Variants in GTF2H5 observed in about 807,000 individuals in gnomAD.
The protein encoded by GTF2H5 is TFB5 ortholog.
In GTF2H5, 5 loss-of-function variants were observed where a neutral mutation model predicts 7.1. The observed-to-expected ratio is 0.71, with a 90% CI of 0.37 to 1.49. The LOEUF is 1.49. Ranked by LOEUF, GTF2H5 falls within the 40% of genes most tolerant of loss-of-function variation. GTF2H5 has a pLI of 0.03. For synonymous variants in GTF2H5, 30 were observed against 31.7 expected (o/e 0.95, Z 0.18); for missense variants, 80 against 83.0 (o/e 0.96, Z 0.14).
chr6:158,192,602 G>T lies in GTF2H5; in HGVS notation c.*445G>T. The T allele has an allele frequency of 4.8e-6, 1 of 208,694 alleles. No individual in the cohort carries two copies. Among genetic ancestry groups the T allele is most frequent in the Non-Finnish European group, 9.8e-6 (1 of 102,082 alleles). The allele number at this position is 208,694 out of a possible 1,614,324, so 12.9% of individuals were successfully genotyped here. Reference sequence around the variant, plus strand: ...TATGTACGTCTCACAAATCCTACCTGCATACCAGTCAGCTCTATTGAGGAA... The same window carrying T: ...TATGTACGTCTCACAAATCCTACCTTCATACCAGTCAGCTCTATTGAGGAA... On this transcript the variant is annotated 3_prime_UTR_variant, in exon 3 of 3. Transcript: ENST00000607778.
At chr6:158,178,644 G>A (rs1785965594) in intron 2 of GTF2H5, among the ~76,000 whole-genome samples, 1 of 152,118 alleles carries the variant, frequency 6.6e-6, no homozygotes, top group South Asian at 2.1e-4. Context: ...CTGCATAGAT[G>A]TCGTCTTTTG....
chr6:158,169,454 T>A (rs1272297962), intron 1 of GTF2H5, among the ~76,000 whole-genome samples: 7 of 66,074 alleles, frequency 1.1e-4, no homozygotes, highest in Admixed American at 1.0e-3. Context: ...TATTATATAT[T>A]ATATATATTA....
At chr6:158,182,057 T>G (rs2128430643) in intron 2 of GTF2H5, among the ~76,000 whole-genome samples, 2 of 152,370 alleles carry the variant, frequency 1.3e-5, no homozygotes, top group East Asian at 3.9e-4. Context: ...GGAGCTCTTG[T>G]AAGACAGGCC....
At chr6:158,169,501 A>ATG (rs1409637004) in intron 1 of GTF2H5, among the ~76,000 whole-genome samples, 1 of 78,826 alleles carries the variant, frequency 1.3e-5, no homozygotes, top group African/African-American at 5.5e-5. Flanking sequence ...TATATTATAT[A>ATG]ATATATTGTA....
chr6:158,190,722 A>C, intron 2 of GTF2H5: 1 of 403,182 alleles, frequency 2.5e-6, no homozygotes, highest in South Asian at 1.8e-5. Flanking sequence ...CTTTTGGATT[A>C]AATTGTTACC....
At chr6:158,174,805 A>G (rs1785905844) in intron 2 of GTF2H5, among the ~76,000 whole-genome samples, 1 of 152,232 alleles carries the variant, frequency 6.6e-6, no homozygotes, top group South Asian at 2.1e-4. Flanking sequence ...ATCTGGAGAA[A>G]TATGTATTAT....
chr6:158,190,601 T>C, intron 2 of GTF2H5: 1 of 455,486 alleles, frequency 2.2e-6, no homozygotes, highest in Non-Finnish European at 4.3e-6. Context: ...AAATCAGTTC[T>C]GAGGCTCATA....
chr6:158,186,326 A>G (rs531807183), intron 2 of GTF2H5, among the ~76,000 whole-genome samples: 3 of 152,330 alleles, frequency 2.0e-5, no homozygotes, highest in South Asian at 4.1e-4. Context: ...AAAATTCCCA[A>G]AGTCTTCATA....
At chr6:158,171,280 T>A (rs1785852573) in intron 2 of GTF2H5, among the ~76,000 whole-genome samples, 1 of 152,226 alleles carries the variant, frequency 6.6e-6, no homozygotes, top group South Asian at 2.1e-4. Context: ...TGTTTAACCC[T>A]GTCTATGCAA....
chr6:158,193,539 C>G lies in GTF2H5; in HGVS notation c.*1382C>G, dbSNP rs1032443082. 2 of 152,220 alleles carry G rather than the reference C, an allele frequency of 1.3e-5. No individual in the cohort carries two copies. The highest frequency in any genetic ancestry group is 6.5e-5 in the Admixed American group (1 of 15,280). 9.4% of individuals were successfully genotyped at this position (152,220 alleles called of 1,614,324 possible). On this transcript the variant is annotated 3_prime_UTR_variant, in exon 3 of 3. Transcript: ENST00000607778. Reference sequence around the variant, plus strand: ...CCTGTGTACCATATTTATTCACTTACACAGCATTACTGAATCTGGAAATTT... The same window carrying G: ...CCTGTGTACCATATTTATTCACTTAGACAGCATTACTGAATCTGGAAATTT...
chr6:158,170,672 G>T (rs1251519078), intron 2 of GTF2H5, 134 bp downstream of exon 2: 6 of 718,308 alleles, frequency 8.4e-6, no homozygotes, highest in Non-Finnish European at 1.2e-5. Context: ...AAGTGGCACA[G>T]ATTTTGTTGC....
At position 158,169,507 on chromosome 6, in the gene GTF2H5, T is replaced by TAATATAC. The variant is rs1201478120; in HGVS notation, c.-34-963_-34-962insAATATAC. On this transcript the variant is annotated intron_variant, in intron 1 of 2. Transcript: ENST00000607778. Reference sequence around the variant, plus strand: ...AATATATTGTATATTATATAATATATTGTATATTATATATAATATACAGTA... The same window carrying TAATATAC: ...AATATATTGTATATTATATAATATATAATATACTGTATATTATATATAATATACAGTA... 2.3e-3 allele frequency among the ~76,000 whole-genome samples: 135 copies of TAATATAC among 57,914 alleles called. 9 individuals carry two copies. The highest frequency in any genetic ancestry group is 0.01 in the African/African-American group (128 of 12,430). 38.0% of individuals were successfully genotyped at this position (57,914 alleles called of 152,430 possible). A position where few individuals can be genotyped will look rare whatever the true frequency, so the allele number is the denominator to read the frequency against.
In GTF2H5 at chr6:158,182,495, G is replaced by A. The variant is rs928382103; in HGVS notation, c.36-9482G>A. 7.2e-5 allele frequency among the ~76,000 whole-genome samples: 11 copies of A among 152,182 alleles called. No homozygotes were observed. In the East Asian group the frequency reaches 7.7e-4, roughly 11 times the overall value. ...TTTCCAACTTGGCTCCATTCTCCTC[G>A]TCACTTTCAGATACACCAATCAAAC... is the stretch of plus-strand genomic sequence containing the variant. On this transcript the variant is annotated intron_variant, in intron 2 of 2. Coordinates refer to ENST00000607778, the MANE Select transcript of GTF2H5 (RefSeq NM_207118.3).
chr6:158,188,205 T>C (rs766350910), intron 2 of GTF2H5, among the ~76,000 whole-genome samples: 10 of 152,174 alleles, frequency 6.6e-5, no homozygotes, highest in Non-Finnish European at 1.5e-4. Context: ...AAAGCTTAAT[T>C]GTAGAGCACT....
chr6:158,169,716 A>C (rs1192977821), intron 1 of GTF2H5, among the ~76,000 whole-genome samples: 2 of 85,550 alleles, frequency 2.3e-5, no homozygotes, highest in Non-Finnish European at 4.2e-5. Flanking sequence ...TGTATATTAT[A>C]TATTATATAA....
chr6:158,188,900 C>T (rs1776975329), intron 2 of GTF2H5, among the ~76,000 whole-genome samples: 1 of 152,048 alleles, frequency 6.6e-6, no homozygotes, highest in Non-Finnish European at 1.5e-5. Flanking sequence ...CTGTCTCTTG[C>T]ATTTTCATGA....
intron 2 of GTF2H5, among the ~76,000 whole-genome samples, chr6:158,176,049 C>T (rs908448800): frequency 1.3e-5 from 2 of 152,140 alleles, no homozygotes; most frequent in Non-Finnish European, 2.9e-5. Flanking sequence ...GAGGTAAGTG[C>T]TGTCATCTCC....
At position 158,169,517 on chromosome 6, in the gene GTF2H5, T is replaced by C. The variant is rs1214860104; in HGVS notation, c.-34-953T>C. Among the ~76,000 whole-genome samples the C allele has an allele frequency of 9.9e-4, 73 of 74,066 alleles. 7 individuals are homozygous for C. Among genetic ancestry groups the C allele is most frequent in the Admixed American group, 6.8e-3 (24 of 3,514 alleles). The allele number at this position is 74,066 out of a possible 152,430, so 48.6% of individuals were successfully genotyped here. On this transcript the variant is annotated intron_variant, in intron 1 of 2. Transcript: ENST00000607778. Reference sequence around the variant, plus strand: ...ATATTATATAATATATTGTATATTATATATAATATACAGTATATTATATAT... The same window carrying C: ...ATATTATATAATATATTGTATATTACATATAATATACAGTATATTATATAT...
At chr6:158,169,321 TATG>T (rs1785708012) in intron 1 of GTF2H5, among the ~76,000 whole-genome samples, 1 of 119,834 alleles carries the variant, frequency 8.3e-6, no homozygotes, top group South Asian at 2.2e-4. Context: ...ATATGTATAT[TATG>T]TATATTATAT....
Sources: allele counts gnomAD v4.1 joint callset (sites outside exome capture counted in the v4.1 genomes callset), GRCh38; gene constraint gnomAD v4.1.1; transcripts MANE v1.5; gene names NCBI Gene and HGNC (gene_info 2026-07-23, HGNC 2026-07-21).